The following CPA6 variants were observed in gnomAD, a reference collection of about 807,000 sequenced individuals.
CPA6 encodes carboxypeptidase B.
In CPA6, 58 loss-of-function variants were observed where a neutral mutation model predicts 63.3. The ratio of observed to expected loss-of-function variants is 0.92; its 90% CI spans 0.74 to 1.14. The LOEUF is 1.14. CPA6 is among the 50% of genes most tolerant of loss of function. CPA6 has a pLI of 0.00. For missense variants in CPA6, 565 were observed against 526.6 expected, an observed-to-expected ratio of 1.07 and a Z score of -0.71; for synonymous variants, 185 against 179.0, an observed-to-expected ratio of 1.03 and a Z score of -0.27.
At chr8:67,425,924 TCTCG>T (rs1809872707) in intron 10 of CPA6, among the ~76,000 whole-genome samples, 1 of 149,384 alleles carries the variant, frequency 6.7e-6, no homozygotes, top group Non-Finnish European at 1.5e-5. Flanking sequence ...TGAAACAGAA[TCTCG>T]CTCTGTCACC....
intron 2 of CPA6, among the ~76,000 whole-genome samples, chr8:67,622,547 A>G (rs1374289028): frequency 6.6e-6 from 1 of 152,172 alleles, no homozygotes; most frequent in Non-Finnish European, 1.5e-5. Context: ...ACTCAATACT[A>G]TTTGTATAGG....
intron 8 of CPA6, among the ~76,000 whole-genome samples, chr8:67,464,217 T>G (rs1810876853): frequency 6.6e-6 from 1 of 152,228 alleles, no homozygotes; most frequent in South Asian, 2.1e-4. Context: ...TTGATTGGTG[T>G]GAGATCGTAT....
At chr8:67,507,141 T>C (rs915659750) in intron 5 of CPA6, among the ~76,000 whole-genome samples, 4 of 152,008 alleles carry the variant, frequency 2.6e-5, no homozygotes, top group African/African-American at 7.2e-5. Flanking sequence ...ATAGGTTGCT[T>C]CTTTATTTTT....
At chr8:67,493,796 T>C (rs1007953136) in intron 6 of CPA6, among the ~76,000 whole-genome samples, 3 of 151,130 alleles carry the variant, frequency 2.0e-5, no homozygotes, top group African/African-American at 7.3e-5. Context: ...TTCTTTCTTT[T>C]TTTTTGTACT....
chr8:67,551,876 T>C (rs1045294765), intron 2 of CPA6, among the ~76,000 whole-genome samples: 9 of 151,970 alleles, frequency 5.9e-5, no homozygotes, highest in Admixed American at 5.2e-4. Context: ...ATATGAGGAG[T>C]TGCCTTGGTG....
chr8:67,655,243 T>G (rs1390212797), intron 1 of CPA6, among the ~76,000 whole-genome samples: 1 of 152,156 alleles, frequency 6.6e-6, no homozygotes, highest in Non-Finnish European at 1.5e-5. Flanking sequence ...ATGCTTCTAC[T>G]TTACAAATTT....
chr8:67,677,342 C>CTTTTTTT (rs35049117), intron 1 of CPA6, among the ~76,000 whole-genome samples: 54 of 128,330 alleles, frequency 4.2e-4, no homozygotes, highest in Non-Finnish European at 6.8e-4. Context: ...AAAACACCTT[C>CTTTTTTT]TTTTTTTTTT....
intron 1 of CPA6, among the ~76,000 whole-genome samples, chr8:67,660,095 G>C (rs141189563): frequency 6.6e-6 from 1 of 152,090 alleles, no homozygotes; most frequent in African/African-American, 2.4e-5. Flanking sequence ...AATCCCAAGT[G>C]GTCTGATTTT....
At chr8:67,422,807 A>C in intron 10 of CPA6, 116 bp from the exon 11 acceptor site, 1 of 729,108 alleles carries the variant, frequency 1.4e-6, no homozygotes, top group South Asian at 2.5e-5. Flanking sequence ...CTTCCAATTA[A>C]ATGCTGTTTC....
At chr8:67,449,292 T>C (rs549658642) in intron 8 of CPA6, among the ~76,000 whole-genome samples, 16 of 152,172 alleles carry the variant, frequency 1.1e-4, no homozygotes, top group Admixed American at 3.9e-4. Flanking sequence ...GGATCAATTA[T>C]TGGACTCTCT....
At chr8:67,608,153 TACAG>T (rs1320618269) in intron 2 of CPA6, among the ~76,000 whole-genome samples, 2 of 152,214 alleles carry the variant, frequency 1.3e-5, no homozygotes, top group African/African-American at 4.8e-5. Context: ...TACATTCTGA[TACAG>T]ACAGGAGGCA....
chr8:67,506,862 T>A lies in CPA6; in HGVS notation c.561A>T (p.Arg187Ser). The change falls in exon 6 of 11, where the codon AGA becomes AGT. Residue 187 changes from arginine to serine, a missense_variant. Transcript: ENST00000297770. Reference protein sequence around the residue: ...LKLGRRSRLKRAVWIDCGIHA... With the variant: ...LKLGRRSRLKSAVWIDCGIHA... ...GAATACCACAGTCTATCCAAACAGC[T>A]CTTTTGAGTCGTGATCGTCTGCCCA... 1 of 1,613,566 alleles carries A rather than the reference T, an allele frequency of 6.2e-7. No homozygotes were observed. Among genetic ancestry groups the A allele is most frequent in the Non-Finnish European group, 8.5e-7 (1 of 1,179,602 alleles).
chr8:67,576,477 T>A (rs913298070), intron 2 of CPA6, among the ~76,000 whole-genome samples: 4 of 152,190 alleles, frequency 2.6e-5, no homozygotes, highest in Non-Finnish European at 5.9e-5. Context: ...AGAAGTGCTA[T>A]AGGTGTATGC....
intron 1 of CPA6, among the ~76,000 whole-genome samples, chr8:67,673,639 A>T (rs1587691048): frequency 6.7e-6 from 1 of 149,730 alleles, no homozygotes; most frequent in African/African-American, 2.5e-5. Flanking sequence ...TGATCCACCC[A>T]CCTCGGCCTC....
At chr8:67,473,965 TGAC>T (rs1445882938) in intron 8 of CPA6, among the ~76,000 whole-genome samples, 2 of 151,750 alleles carry the variant, frequency 1.3e-5, no homozygotes, top group African/African-American at 2.4e-5. Context: ...TTGGAAGACT[TGAC>T]CAGGAAGGCT....
intron 2 of CPA6, among the ~76,000 whole-genome samples, chr8:67,606,579 C>T (rs1481215637): frequency 6.6e-6 from 1 of 152,150 alleles, no homozygotes; most frequent in African/African-American, 2.4e-5. Context: ...ACAGGATATC[C>T]ACAATAACAT....
chr8:67,626,654 C>T (rs1037732774), intron 1 of CPA6, among the ~76,000 whole-genome samples: 8 of 152,046 alleles, frequency 5.3e-5, no homozygotes, highest in African/African-American at 1.9e-4. Context: ...TTTCTCTGAC[C>T]TGTGTTTTTT....
chr8:67,668,847 C>A (rs989361086), intron 1 of CPA6, among the ~76,000 whole-genome samples: 1 of 152,166 alleles, frequency 6.6e-6, no homozygotes, highest in African/African-American at 2.4e-5. Flanking sequence ...CATGGAGTAC[C>A]ATGACAGCAA....
intron 2 of CPA6, among the ~76,000 whole-genome samples, chr8:67,614,821 A>G (rs1230814052): frequency 6.6e-6 from 1 of 152,116 alleles, no homozygotes; most frequent in East Asian, 1.9e-4. Flanking sequence ...TTCTTTGGCC[A>G]CTGAATAAAA....
Sources: gnomAD v4.1 joint callset for allele counts (sites outside exome capture counted in the v4.1 genomes callset) on GRCh38, gnomAD v4.1.1 for gene constraint, MANE v1.5 for transcripts, NCBI Gene and HGNC (gene_info 2026-07-23, HGNC 2026-07-21) for gene names.